NPHS2: variants seen among roughly 807,000 people sequenced by gnomAD.
The protein encoded by NPHS2 is NPHS2 stomatin family member, podocin, also known as podocin.
NPHS2 carries 36 observed loss-of-function variants against 37.1 expected under a neutral mutation model. The observed-to-expected ratio is 0.97, with a 90% CI of 0.74 to 1.28. The LOEUF (loss-of-function observed/expected upper bound fraction) is 1.28. NPHS2 is among the 50% of genes most tolerant of loss of function. The pLI, the probability that NPHS2 is intolerant of heterozygous loss-of-function variation, is 0.00. For missense variants in NPHS2, 447 were observed against 488.1 expected (o/e 0.92, Z 0.79); for synonymous variants, 196 against 189.3 (o/e 1.04, Z -0.29).
Position 179,561,273 on chromosome 1 carries a change from AAGAGTG to A in NPHS2, c.451+10_451+15del, listed in dbSNP as rs1286514633. Reference sequence around the variant, plus strand: ...TCAGGAGAGAGGTGTTTAGAAAAAAAAGAGTGTTTTTTTACCAGGGCCTTTGGCTCT... The same window carrying A: ...TCAGGAGAGAGGTGTTTAGAAAAAAATTTTTTTACCAGGGCCTTTGGCTCT... On this transcript the variant is annotated intron_variant, in intron 3 of 7. Transcript: ENST00000367615. 4 of 1,603,032 alleles carry A rather than the reference AAGAGTG, an allele frequency of 2.5e-6. No individual in the cohort carries two copies. In the African/African-American group the frequency reaches 5.4e-5, roughly 21 times the overall value.
intron 6 of NPHS2, among the ~76,000 whole-genome samples, chr1:179,552,918 A>G (rs917597848): frequency 2.0e-5 from 3 of 152,254 alleles, no homozygotes; most frequent in Admixed American, 1.3e-4. Flanking sequence ...GTTTCTCATT[A>G]TCAGCACAGC....
rs768932711 is a variant in NPHS2 at position 179,551,219 on chromosome 1, G to T, written c.1106C>A (p.Pro369His). Residue 369 changes from proline (P) to histidine (H), a missense_variant, in exon 8 of 8, where the codon CCT (proline) becomes CAT (histidine). Transcript: ENST00000367615. ...CTTTTTAGGATTTAGTGGCTCAACA[G>T]GTTTGGAAGGACTTGGGAAGGGGAG... Reference protein sequence around the residue: ...GSLPFPSPSKPVEPLNPKKKD... With the variant: ...GSLPFPSPSKHVEPLNPKKKD... 5 of 1,614,134 alleles carry T rather than the reference G, an allele frequency of 3.1e-6. No homozygotes were observed. In the South Asian group the frequency reaches 3.3e-5, roughly 11 times the overall value.
chr1:179,561,164 A>G (rs1674121143), intron 3 of NPHS2, 125 bp downstream of exon 3: 1 of 798,318 alleles, frequency 1.3e-6, no homozygotes, highest in African/African-American at 1.7e-5. Context: ...AACAGATTGG[A>G]AAATTCAGAT....
In NPHS2 at chr1:179,551,339, G is replaced by T; in HGVS notation, c.986C>A (p.Ser329Tyr). ...AGTGGAAGGCTTCTCTGTGGACAGA[G>T]ACTGAAGGGTGTGGAGGTATCGAAG... The part of the protein sequence containing the change: ...VQLRYLHTLQ[S>Y]LSTEKPSTVV... The change falls in exon 8 of 8, where the codon TCT becomes TAT. Residue 329 changes from serine (S) to tyrosine (Y), a missense_variant. Transcript: ENST00000367615. 1 of 1,614,192 alleles carries T rather than the reference G, an allele frequency of 6.2e-7. No individual in the cohort carries two copies. Among genetic ancestry groups the T allele is most frequent in the Non-Finnish European group, 8.5e-7 (1 of 1,180,018 alleles).
chr1:179,552,179 G>A (rs1673384579), intron 7 of NPHS2: 2 of 225,690 alleles, frequency 8.9e-6, no homozygotes, highest in African/African-American at 4.5e-5. Context: ...CTTGGCTCTA[G>A]CATTGAGGGA....
intron 1 of NPHS2, among the ~76,000 whole-genome samples, chr1:179,571,335 T>A (rs1674543397): frequency 6.6e-6 from 1 of 152,228 alleles, no homozygotes; most frequent in African/African-American, 2.4e-5. Context: ...CAGCCGCAGA[T>A]CTGTTGGAGT....
At chr1:179,573,875 A>G (rs1435588182) in intron 1 of NPHS2, among the ~76,000 whole-genome samples, 1 of 152,228 alleles carries the variant, frequency 6.6e-6, no homozygotes, top group South Asian at 2.1e-4. Context: ...TTGAATATCC[A>G]ACTTGTTTGG....
At chr1:179,572,723 A>G (rs148081361) in intron 1 of NPHS2, among the ~76,000 whole-genome samples, 1 of 152,244 alleles carries the variant, frequency 6.6e-6, no homozygotes, top group Non-Finnish European at 1.5e-5. Flanking sequence ...AAATTAGGAA[A>G]TGGTAGTCTA....
chr1:179,557,090 G>A lies in NPHS2; in HGVS notation c.675C>T (p.Leu225=). The part of the protein sequence containing the change: ...QFLVQTTMKR[L]LAHRSLTEIL... ...TTTCAGTGAGGGATCGATGTGCTAGGAGACGCTTCATAGTGGTTTGCACAA... is the reference window on the plus strand; with the variant it reads ...TTTCAGTGAGGGATCGATGTGCTAGAAGACGCTTCATAGTGGTTTGCACAA... Residue 225 remains leucine, a synonymous_variant, in exon 5 of 8, where the codon CTC becomes CTT. Coordinates refer to ENST00000367615, the MANE Select transcript of NPHS2 (RefSeq NM_014625.4). The A allele has an allele frequency of 1.2e-6, 2 of 1,614,048 alleles. No individual in the cohort carries two copies. The highest frequency in any genetic ancestry group is 1.7e-6 in the Non-Finnish European group (2 of 1,179,980).
chr1:179,573,177 A>G (rs1275483111), intron 1 of NPHS2, among the ~76,000 whole-genome samples: 1 of 152,174 alleles, frequency 6.6e-6, no homozygotes, highest in Non-Finnish European at 1.5e-5. Context: ...ATAACTAATT[A>G]GTAGGCCTGA....
rs746490475 is a variant in NPHS2, at chr1:179,575,730, C to G, written c.135G>C (p.Pro45=). 5 of 1,534,274 alleles carry G rather than the reference C, an allele frequency of 3.3e-6. No individual in the cohort carries two copies. The South Asian group carries it at 6.0e-5, about 18-fold the overall frequency. The change falls in exon 1 of 8, where the codon CCG becomes CCC. Residue 45 remains proline, a synonymous_variant. Coordinates refer to ENST00000367615, the MANE Select transcript of NPHS2 (RefSeq NM_014625.4). ...GGGTCCCCGCCCGTCCGGAGCCCGA[C>G]GGCTCGGGCCCAGCCTCCTGGCGCC... ...GRGRQEAGPE[P]SGSGRAGTPG...
At position 179,556,730 on chromosome 1, in the gene NPHS2, G is replaced by T. The variant is rs566981817; in HGVS notation, c.738+297C>A. Among the ~76,000 whole-genome samples the T allele has an allele frequency of 6.6e-6, 1 of 152,008 alleles. No homozygotes were observed. The highest frequency in any genetic ancestry group is 1.5e-5 in the Non-Finnish European group (1 of 68,012). ...CCTGTCCATCCCCACCAACCCCACC[G>T]TTCCTGCCAGCAATCATTCTGAATA... is the stretch of plus-strand genomic sequence containing the variant. On this transcript the variant is annotated intron_variant, in intron 5 of 7. Coordinates refer to ENST00000367615, the MANE Select transcript of NPHS2 (RefSeq NM_014625.4). This position sits in a 1 kb window ranked among gnomAD's most constrained non-coding sequence, Gnocchi z 4.1.
chr1:179,568,718 T>G (rs564413956), intron 1 of NPHS2, among the ~76,000 whole-genome samples: 1 of 152,220 alleles, frequency 6.6e-6, no homozygotes, highest in Admixed American at 6.5e-5. Flanking sequence ...ACATCCTGCT[T>G]TAAATGCGTC....
At chr1:179,572,779 C>T (rs1306336934) in intron 1 of NPHS2, among the ~76,000 whole-genome samples, 1 of 151,360 alleles carries the variant, frequency 6.6e-6, no homozygotes, top group Non-Finnish European at 1.5e-5. Context: ...TCCTTCCCTT[C>T]CTCCCTCCTT....
chr1:179,567,444 T>C (rs111236249), intron 1 of NPHS2, among the ~76,000 whole-genome samples: 1 of 152,210 alleles, frequency 6.6e-6, no homozygotes, highest in African/African-American at 2.4e-5. Flanking sequence ...TGAAGTTGCT[T>C]ATCAGCTTAA....
chr1:179,575,524 T>TCCAC (rs1674723702), intron 1 of NPHS2, 67 bp downstream of exon 1: 24 of 1,590,910 alleles, frequency 1.5e-5, no homozygotes, highest in Non-Finnish European at 2.0e-5. Flanking sequence ...GATGACCCTT[T>TCCAC]CCACCTTATC....
chr1:179,575,485 T>G, intron 1 of NPHS2, 106 bp downstream of exon 1: 2 of 1,482,362 alleles, frequency 1.3e-6, no homozygotes, highest in Non-Finnish European at 1.8e-6. Flanking sequence ...CATCCAGCAA[T>G]CTGCTCTGGC....
chr1:179,574,505 C>T (rs1481350623), intron 1 of NPHS2, among the ~76,000 whole-genome samples: 1 of 152,186 alleles, frequency 6.6e-6, no homozygotes. Context: ...GCCCTCTAAC[C>T]TCAGCATTGA....
chr1:179,568,747 T>C (rs1409931342), intron 1 of NPHS2, among the ~76,000 whole-genome samples: 2 of 152,232 alleles, frequency 1.3e-5, no homozygotes, highest in African/African-American at 4.8e-5. Context: ...TCTGGTATGT[T>C]GTGTCTTTGT....
Sources: gnomAD v4.1 joint callset for allele counts (sites outside exome capture counted in the v4.1 genomes callset) on GRCh38, gnomAD v4.1.1 for gene constraint, Gnocchi (gnomAD v3.1) non-coding constraint, MANE v1.5 for transcripts, NCBI Gene and HGNC (gene_info 2026-07-23, HGNC 2026-07-21) for gene names.